SPON1: variants seen among roughly 807,000 people sequenced by gnomAD.
The protein encoded by SPON1 is spondin-1.
In SPON1, 52 loss-of-function variants were observed where a neutral mutation model predicts 111.7. The observed-to-expected ratio is 0.47, with a 90% CI of 0.37 to 0.59. The LOEUF is 0.59. Ranked by LOEUF, SPON1 falls within the 20% of genes least tolerant of loss-of-function variation. The pLI is 0.00. For synonymous variants in SPON1, 410 were observed against 395.8 expected (o/e 1.04, Z -0.43); for missense variants, 957 against 1,068.5 (o/e 0.90, Z 1.46).
At chr11:14,053,191 A>G (rs1483987229) in intron 3 of SPON1, among the ~76,000 whole-genome samples, 1 of 152,234 alleles carries the variant, frequency 6.6e-6, no homozygotes, top group African/African-American at 2.4e-5. Context: ...TGATCAATTC[A>G]GTGGCATCTG....
Position 14,257,759 on chromosome 11 carries a change from G to T in SPON1, c.1353G>T (p.Trp451Cys). 1 of 1,613,274 alleles carries T rather than the reference G, an allele frequency of 6.2e-7. No homozygotes were observed. Among genetic ancestry groups the T allele is most frequent in the South Asian group, 1.1e-5 (1 of 90,904 alleles). Residue 451 changes from tryptophan (W) to cysteine (C), a missense_variant, in exon 11 of 16, where the codon TGG becomes TGT. By Grantham distance (215) the Trp-to-Cys change is radical. Coordinates refer to ENST00000576479, the MANE Select transcript of SPON1 (RefSeq NM_006108.4). ...GCATCTACTCCAACTGGTCCCCATGGTCCGCCTGCAGCTCCTCCACCTGTG... is the reference window on the plus strand; with the variant it reads ...GCATCTACTCCAACTGGTCCCCATGTTCCGCCTGCAGCTCCTCCACCTGTG... The part of the protein sequence containing the change: ...ETCIYSNWSP[W>C]SACSSSTCDK...
At chr11:14,153,075 A>G (rs1554930056) in intron 6 of SPON1, among the ~76,000 whole-genome samples, 1 of 152,218 alleles carries the variant, frequency 6.6e-6, no homozygotes, top group African/African-American at 2.4e-5. Context: ...GGCCTGGTTT[A>G]GAACTTTATT....
chr11:14,167,271 TTA>T (rs1273416012), intron 6 of SPON1, among the ~76,000 whole-genome samples: 1 of 152,062 alleles, frequency 6.6e-6, no homozygotes, highest in Non-Finnish European at 1.5e-5. Flanking sequence ...GAGACATAAT[TTA>T]TAATTTTTTT....
intron 7 of SPON1, among the ~76,000 whole-genome samples, chr11:14,253,395 G>A (rs1554940822): frequency 2.0e-5 from 3 of 152,310 alleles, no homozygotes; most frequent in East Asian, 1.9e-4. Flanking sequence ...TGGAGTAGAC[G>A]TATGTGATCA....
chr11:14,047,541 A>G (rs1848677428), intron 3 of SPON1, among the ~76,000 whole-genome samples: 1 of 152,202 alleles, frequency 6.6e-6, no homozygotes, highest in African/African-American at 2.4e-5. Context: ...TGCAAAAGCT[A>G]GCAAACCGAA....
At chr11:14,061,123 G>A (rs1428338657) in intron 3 of SPON1, among the ~76,000 whole-genome samples, 1 of 152,206 alleles carries the variant, frequency 6.6e-6, no homozygotes, top group Non-Finnish European at 1.5e-5. Flanking sequence ...AGCTCAATTT[G>A]TGGGACAGAA....
intron 2 of SPON1, among the ~76,000 whole-genome samples, chr11:14,004,463 G>T (rs1350312954): frequency 1.3e-5 from 2 of 152,068 alleles, no homozygotes; most frequent in Non-Finnish European, 1.5e-5. Context: ...AGCATACAGG[G>T]TTACCTTTTC....
At chr11:14,007,878 G>A (rs1484830431) in intron 2 of SPON1, among the ~76,000 whole-genome samples, 3 of 152,026 alleles carry the variant, frequency 2.0e-5, no homozygotes, top group South Asian at 2.1e-4. Flanking sequence ...CCATCCTCAC[G>A]TGGCCTTCTC....
chr11:14,023,931 G>A (rs12279175), intron 2 of SPON1, among the ~76,000 whole-genome samples: 28,470 of 151,952 alleles, frequency 0.19, 3,271 homozygotes, highest in Non-Finnish European at 0.26. Flanking sequence ...GAACCCGGGA[G>A]GCCGAGGTTG....
intron 6 of SPON1, among the ~76,000 whole-genome samples, chr11:14,163,088 G>A (rs1847986278): frequency 6.6e-6 from 1 of 152,174 alleles, no homozygotes; most frequent in African/African-American, 2.4e-5. Flanking sequence ...AATGATTGGA[G>A]ATAGCTTCTT....
intron 3 of SPON1, among the ~76,000 whole-genome samples, chr11:14,050,874 T>G (rs1848702596): frequency 6.6e-6 from 1 of 152,194 alleles, no homozygotes; most frequent in Admixed American, 6.5e-5. Flanking sequence ...CCTCCACTTC[T>G]GAGATGCATA....
chr11:14,263,916 C>G (rs1360937763), intron 15 of SPON1, among the ~76,000 whole-genome samples: 1 of 151,930 alleles, frequency 6.6e-6, no homozygotes, highest in Non-Finnish European at 1.5e-5. Context: ...GTAATCCCAG[C>G]TACTCAGGAG....
chr11:14,210,502 G>A (rs572369286), intron 6 of SPON1, among the ~76,000 whole-genome samples: 14 of 151,812 alleles, frequency 9.2e-5, no homozygotes, highest in African/African-American at 2.9e-4. Context: ...GGGTTCAAGC[G>A]ATTCTCCTGC....
At chr11:14,067,855 C>G (rs1486431061) in intron 3 of SPON1, among the ~76,000 whole-genome samples, 1 of 152,190 alleles carries the variant, frequency 6.6e-6, no homozygotes, top group Non-Finnish European at 1.5e-5. Flanking sequence ...GGGTAGACGC[C>G]AGGACTTGCT....
At chr11:14,141,944 C>T (rs1391890202) in intron 6 of SPON1, among the ~76,000 whole-genome samples, 6 of 152,190 alleles carry the variant, frequency 3.9e-5, no homozygotes, top group Admixed American at 1.3e-4. Context: ...AGTGATCTTC[C>T]ATGCTTATGA....
At chr11:14,260,818 G>T in intron 14 of SPON1, 66 bp downstream of exon 14, 4 of 1,534,896 alleles carry the variant, frequency 2.6e-6, no homozygotes, top group Non-Finnish European at 3.5e-6. Flanking sequence ...CCCCGAACCA[G>T]CCAGTGCTAA....
At chr11:14,216,813 AAT>A (rs1848630982) in intron 6 of SPON1, among the ~76,000 whole-genome samples, 1 of 152,196 alleles carries the variant, frequency 6.6e-6, no homozygotes, top group African/African-American at 2.4e-5. Flanking sequence ...CCAACACATG[AAT>A]TTTGGGGGAA....
chr11:14,168,467 C>A (rs1848057035), intron 6 of SPON1, among the ~76,000 whole-genome samples: 1 of 152,048 alleles, frequency 6.6e-6, no homozygotes, highest in South Asian at 2.1e-4. Flanking sequence ...AAAATGCAGA[C>A]AGAAGATTCA....
chr11:14,043,108 C>T (rs1848644343), intron 3 of SPON1, among the ~76,000 whole-genome samples: 2 of 152,060 alleles, frequency 1.3e-5, no homozygotes, highest in African/African-American at 4.8e-5. Flanking sequence ...GGGAGATGGC[C>T]TTGTGGAAAT....
Sources: gnomAD v4.1 joint callset for allele counts (sites outside exome capture counted in the v4.1 genomes callset) on GRCh38, gnomAD v4.1.1 for gene constraint, MANE v1.5 for transcripts, NCBI Gene and HGNC (gene_info 2026-07-23, HGNC 2026-07-21) for gene names.